The following PRDM5 variants were observed in gnomAD, a reference collection of about 807,000 sequenced individuals.
The protein encoded by PRDM5 is PR/SET domain 5.
Under a neutral mutation model 81.2 loss-of-function variants are expected in PRDM5, and 56 were observed. The ratio of observed to expected loss-of-function variants is 0.69; its 90% CI spans 0.56 to 0.86. The LOEUF is 0.86. Among genes scored for constraint, PRDM5 ranks in the 40% least tolerant of loss-of-function variants. The probability of loss-of-function intolerance (pLI) is 0.00; values close to 1 mark genes in which losing one functional copy is unlikely to be tolerated. For missense variants in PRDM5, 697 were observed against 770.1 expected, an observed-to-expected ratio of 0.91 and a Z score of 1.12; for synonymous variants, 267 against 256.4, an observed-to-expected ratio of 1.04 and a Z score of -0.39.
In PRDM5 at chr4:120,733,038, C is replaced by T. The variant is rs1220241177; in HGVS notation, c.1623+21515G>A. On this transcript the variant is annotated intron_variant, in intron 14 of 15. Transcript: ENST00000264808. ...GCAATTGTTATAGTTTTACTAGTCT[C>T]AACCTACAAGACCATTTGTGTGATA... Among the ~76,000 whole-genome samples, 3 of 152,076 alleles carry T rather than the reference C, an allele frequency of 2.0e-5. No individual in the cohort carries two copies. The East Asian group carries it at 5.8e-4, about 29-fold the overall frequency.
chr4:120,799,934 A>T (rs1751886969), intron 8 of PRDM5, among the ~76,000 whole-genome samples, 189 bp from the exon 9 acceptor site: 1 of 152,210 alleles, frequency 6.6e-6, no homozygotes. Context: ...TTATGTAGTA[A>T]AAAATATCTT....
chr4:120,921,077 G>T (rs1217372007), intron 1 of PRDM5, among the ~76,000 whole-genome samples: 1 of 152,164 alleles, frequency 6.6e-6, no homozygotes. Context: ...GTTGTTTACA[G>T]TACTCTTCAT....
At chr4:120,824,597 A>T (rs1333056427) in intron 3 of PRDM5, among the ~76,000 whole-genome samples, 2 of 152,226 alleles carry the variant, frequency 1.3e-5, no homozygotes, top group Admixed American at 6.5e-5. Context: ...ATTGTTATTC[A>T]TCTCTTGCCT....
chr4:120,826,457 T>TAA (rs1292680223), intron 3 of PRDM5, among the ~76,000 whole-genome samples: 1 of 152,156 alleles, frequency 6.6e-6, no homozygotes, highest in Non-Finnish European at 1.5e-5. Flanking sequence ...TTCTGTGGTT[T>TAA]TTGTCACTTA....
At chr4:120,829,420 T>A (rs897244824) in intron 3 of PRDM5, among the ~76,000 whole-genome samples, 1 of 152,092 alleles carries the variant, frequency 6.6e-6, no homozygotes, top group Admixed American at 6.5e-5. Context: ...CCTTCTCTGA[T>A]AATTTGCTCT....
intron 3 of PRDM5, among the ~76,000 whole-genome samples, chr4:120,853,070 C>A (rs1046831747): frequency 3.9e-5 from 6 of 152,094 alleles, no homozygotes; most frequent in African/African-American, 1.4e-4. Context: ...CAAACACTAA[C>A]AGAGGGTATA....
At chr4:120,845,300 C>T (rs1468708072) in intron 3 of PRDM5, among the ~76,000 whole-genome samples, 2 of 152,228 alleles carry the variant, frequency 1.3e-5, no homozygotes, top group East Asian at 1.9e-4. Context: ...ATTTTCATGG[C>T]GAGAGAGGAG....
At chr4:120,898,984 A>T (rs140633138) in intron 2 of PRDM5, among the ~76,000 whole-genome samples, 1 of 152,284 alleles carries the variant, frequency 6.6e-6, no homozygotes, top group African/African-American at 2.4e-5. Flanking sequence ...TTTTTTCTGT[A>T]TGAGAAACGA....
chr4:120,704,557 A>C (rs1296550109), intron 15 of PRDM5, among the ~76,000 whole-genome samples: 1 of 152,246 alleles, frequency 6.6e-6, no homozygotes, highest in Non-Finnish European at 1.5e-5. Context: ...ATTCTAGATA[A>C]GTATCTTCAG....
At chr4:120,773,151 G>A (rs1747542357) in intron 13 of PRDM5, among the ~76,000 whole-genome samples, 1 of 152,160 alleles carries the variant, frequency 6.6e-6, no homozygotes, top group Non-Finnish European at 1.5e-5. Context: ...GTTGCAAGCT[G>A]ACCTGGCAGT....
intron 8 of PRDM5, among the ~76,000 whole-genome samples, chr4:120,809,925 GT>G (rs1287292977): frequency 6.6e-6 from 1 of 151,968 alleles, no homozygotes; most frequent in African/African-American, 2.4e-5. Flanking sequence ...TCACATAGGA[GT>G]GTCTGATGCC....
rs1734337092 is a variant in PRDM5 at position 120,694,846 on chromosome 4, C to T, written c.*265G>A. The T allele has an allele frequency of 2.3e-6, 1 of 433,048 alleles. No homozygotes were observed. The highest frequency in any genetic ancestry group is 2.0e-5 in the African/African-American group (1 of 50,124). The allele number at this position is 433,048 out of a possible 1,614,324, so 26.8% of individuals were successfully genotyped here. A position where few individuals can be genotyped will look rare whatever the true frequency, so the allele number is the denominator to read the frequency against. ...ATGGCCAAGAAAGAGAGCCATGACT[C>T]CTTTCTCCATTTTTATAAGACAGAG... On this transcript the variant is annotated 3_prime_UTR_variant, in exon 16 of 16. Coordinates refer to ENST00000264808, the MANE Select transcript of PRDM5 (RefSeq NM_018699.4).
chr4:120,792,395 G>A (rs568508904), intron 10 of PRDM5, among the ~76,000 whole-genome samples: 13 of 152,260 alleles, frequency 8.5e-5, no homozygotes, highest in East Asian at 5.8e-4. Context: ...ATGCATGTAC[G>A]ATTTTAAAGT....
At chr4:120,826,181 T>C (rs915564555) in intron 3 of PRDM5, among the ~76,000 whole-genome samples, 7 of 152,092 alleles carry the variant, frequency 4.6e-5, no homozygotes, top group African/African-American at 1.7e-4. Context: ...CATTCTCTTG[T>C]CCCCAAATCT....
intron 10 of PRDM5, among the ~76,000 whole-genome samples, chr4:120,786,977 T>A (rs1749847152): frequency 6.6e-6 from 1 of 152,160 alleles, no homozygotes; most frequent in Non-Finnish European, 1.5e-5. Context: ...CCTATAGCCA[T>A]GAACCAAAAG....
chr4:120,899,748 G>A (rs569140735), intron 2 of PRDM5, among the ~76,000 whole-genome samples: 15 of 152,142 alleles, frequency 9.9e-5, no homozygotes, highest in South Asian at 2.1e-4. Context: ...TGGAGATAAC[G>A]TCACATCCCA....
At chr4:120,871,788 T>A (rs1466022102) in intron 2 of PRDM5, among the ~76,000 whole-genome samples, 1 of 150,670 alleles carries the variant, frequency 6.6e-6, no homozygotes, top group Non-Finnish European at 1.5e-5. Context: ...AAAGAAAGAA[T>A]TGGTGAGAAT....
intron 14 of PRDM5, among the ~76,000 whole-genome samples, chr4:120,716,606 G>A (rs1388691431): frequency 6.6e-6 from 1 of 152,146 alleles, no homozygotes; most frequent in Non-Finnish European, 1.5e-5. Context: ...CACAGAGCCT[G>A]CACTATTCCT....
chr4:120,705,279 A>G (rs895267353), intron 15 of PRDM5, among the ~76,000 whole-genome samples: 36 of 152,232 alleles, frequency 2.4e-4, no homozygotes, highest in African/African-American at 8.4e-4. Context: ...TAAATGATAA[A>G]GACAAAACCT....
Sources: allele counts gnomAD v4.1 joint callset (sites outside exome capture counted in the v4.1 genomes callset), GRCh38; gene constraint gnomAD v4.1.1; transcripts MANE v1.5; gene names NCBI Gene and HGNC (gene_info 2026-07-23, HGNC 2026-07-21).